The following MEIS3 variants were observed in gnomAD, a reference collection of about 807,000 sequenced individuals.
The protein encoded by MEIS3 is Meis homeobox 3.
MEIS3 carries 38 observed loss-of-function variants against 51.4 expected under a neutral mutation model. The ratio of observed to expected loss-of-function variants is 0.74; its 90% confidence interval spans 0.57 to 0.97. MEIS3 has a LOEUF of 0.97. Ranked by LOEUF, MEIS3 falls within the 50% of genes least tolerant of loss-of-function variation. The pLI is 0.00. For synonymous variants in MEIS3, 198 were observed against 201.8 expected, an observed-to-expected ratio of 0.98 and a Z score of 0.16; for missense variants, 456 against 502.6, an observed-to-expected ratio of 0.91 and a Z score of 0.89.
chr19:47,416,566 G>T lies in MEIS3; in HGVS notation c.396+86C>A, dbSNP rs541484229. On this transcript the variant is annotated intron_variant, in intron 4 of 12. Transcript: ENST00000558555. ...ACATGGACCAGGTGGCCTTCTCTCT[G>T]CACCCCCCCCACCAACCCCAGGGAT... 1.4e-4 allele frequency: 159 copies of T among 1,166,796 alleles called. No homozygotes were observed. In the African/African-American group the frequency reaches 2.2e-3, roughly 16 times the overall value. The allele number at this position is 1,166,796 out of a possible 1,614,324, so 72.3% of individuals were successfully genotyped here.
intron 2 of MEIS3, 46 bp downstream of exon 2, chr19:47,417,128 CAGAA>C (rs1971468197): frequency 1.3e-6 from 2 of 1,537,948 alleles, no homozygotes; most frequent in Non-Finnish European, 1.7e-6. Context: ...AGCAAAGAAG[CAGAA>C]AGACAGAGAG....
intron 6 of MEIS3, among the ~76,000 whole-genome samples, chr19:47,410,656 C>T (rs919620076): frequency 1.3e-5 from 2 of 151,880 alleles, no homozygotes; most frequent in Non-Finnish European, 2.9e-5. Context: ...GTCCCAGCTA[C>T]TCGGGAGGCT....
At position 47,414,833 on chromosome 19, in the gene MEIS3, A is replaced by G. The variant is rs370394843; in HGVS notation, c.481T>C (p.Tyr161His). ...HDLCDNFCHRYITCLKGKMPI... is the reference protein window; with the variant it reads ...HDLCDNFCHRHITCLKGKMPI... ...ATCTTTCCCTTGAGGCAGGTGATGTAGCGGTGACAGAAGTTGTCGCACAGG... is the reference window on the plus strand; with the variant it reads ...ATCTTTCCCTTGAGGCAGGTGATGTGGCGGTGACAGAAGTTGTCGCACAGG... Residue 161 changes from tyrosine to histidine, a missense_variant, in exon 6 of 13, where the codon TAC becomes CAC. Tyr to His is a moderately conservative substitution (Grantham distance 83). Coordinates refer to ENST00000558555, the MANE Select transcript of MEIS3 (RefSeq NM_001301059.2). 7.6e-6 allele frequency: 12 copies of G among 1,589,254 alleles called. No homozygotes were observed. The highest frequency in any genetic ancestry group is 1.0e-5 in the Non-Finnish European group (12 of 1,166,946).
At chr19:47,422,060 T>C (rs7245840), upstream of MEIS3, among the ~76,000 whole-genome samples, 30,287 of 151,008 alleles carry the variant, frequency 0.2, 6,431 homozygotes, top group African/African-American at 0.53. Context: ...CGCCCACCCC[T>C]GCGCCCGCCC....
intron 1 of MEIS3, 60 bp downstream of exon 1, chr19:47,419,010 G>A (rs1971599442): frequency 2.0e-5 from 22 of 1,119,446 alleles, no homozygotes; most frequent in Non-Finnish European, 2.5e-5. Flanking sequence ...GAGAGTGGGG[G>A]ATGCAGGGAC....
At chr19:47,412,648 G>A (rs1442980642) in intron 6 of MEIS3, among the ~76,000 whole-genome samples, 1 of 152,068 alleles carries the variant, frequency 6.6e-6, no homozygotes, top group Admixed American at 6.6e-5. Context: ...TGCAACCTTC[G>A]CCTCCCGGGT....
intron 6 of MEIS3, among the ~76,000 whole-genome samples, chr19:47,413,412 A>G (rs1170381984): frequency 6.6e-6 from 1 of 151,410 alleles, no homozygotes; most frequent in East Asian, 1.9e-4. Context: ...AAAAAAAAAA[A>G]TGTCTCCGGG....
rs779646781 is a variant in MEIS3, at chr19:47,416,699, G to C, written c.349C>G (p.Arg117Gly). ...EDIAAFAKQV[R>G]SERPLFSSNP... ...GAGGAGAAGAGGGGCCTCTCAGAGC[G>C]AACCTGGGAGGGAAGAGAGAGGCCG... Residue 117 changes from arginine (R) to glycine (G), a missense_variant, in exon 4 of 13, where the codon CGC (arginine) becomes GGC (glycine). Arg to Gly is a moderately radical substitution (Grantham distance 125, BLOSUM62 -2). Coordinates refer to ENST00000558555, the MANE Select transcript of MEIS3 (RefSeq NM_001301059.2). The C allele has an allele frequency of 1.1e-5, 17 of 1,582,120 alleles. No individual in the cohort carries two copies. In the East Asian group the frequency reaches 1.6e-4, roughly 15 times the overall value.
At chr19:47,420,720 C>T (rs1000980476), upstream of MEIS3, among the ~76,000 whole-genome samples, 1 of 149,336 alleles carries the variant, frequency 6.7e-6, no homozygotes, top group African/African-American at 2.5e-5. Flanking sequence ...AAGAAAGAGA[C>T]GAGCTGTTGG....
chr19:47,403,476 G>T lies in MEIS3; in HGVS notation c.*95C>A. The T allele has an allele frequency of 2.2e-6, 1 of 456,038 alleles. No individual in the cohort carries two copies. The highest frequency in any genetic ancestry group is 1.5e-5 in the South Asian group (1 of 64,534). 28.2% of individuals were successfully genotyped at this position (456,038 alleles called of 1,614,324 possible). On this transcript the variant is annotated 3_prime_UTR_variant, in exon 13 of 13. Coordinates refer to ENST00000558555, the MANE Select transcript of MEIS3 (RefSeq NM_001301059.2). Reference sequence around the variant, plus strand: ...GGCATTGAGCAGAGGGGCCTTTGGAGGTGGGGTCCTGAAGCTGGAGGACCA... The same window carrying T: ...GGCATTGAGCAGAGGGGCCTTTGGATGTGGGGTCCTGAAGCTGGAGGACCA...
At chr19:47,407,536 C>T (rs1970905974) in intron 8 of MEIS3, 108 bp from the exon 9 acceptor site, 3 of 1,591,762 alleles carry the variant, frequency 1.9e-6, no homozygotes, top group Non-Finnish European at 2.6e-6. Flanking sequence ...CCCAGGCAGA[C>T]GTCTGGGAGA....
Position 47,406,466 on chromosome 19 carries a change from T to A in MEIS3, c.*11A>T, listed in dbSNP as rs761501095. 6.2e-7 allele frequency: 1 copy of A among 1,613,240 alleles called. No homozygotes were observed. The highest frequency in any genetic ancestry group is 1.7e-5 in the Admixed American group (1 of 59,990). On this transcript the variant is annotated 3_prime_UTR_variant, in exon 12 of 13. Transcript: ENST00000558555. ...AGCCCTTAGACCCTCACACCTCTCC[T>A]GCATCAGCCTCTATAGATAATGCCA...
In MEIS3 at chr19:47,409,490, C is replaced by T. The variant is rs1398430707; in HGVS notation, c.655G>A (p.Gly219Ser). The T allele has an allele frequency of 6.2e-7, 1 of 1,614,150 alleles. No individual in the cohort carries two copies. ...DSGSVHLGTP[G>S]PSSGGLASQS... Reference sequence around the variant, plus strand: ...GAGGCCAGGCCCCCACTGGATGGACCTGGGGTCCCCAAATGTACAGACCCA... The same window carrying T: ...GAGGCCAGGCCCCCACTGGATGGACTTGGGGTCCCCAAATGTACAGACCCA... The change falls in exon 7 of 13, where the codon GGT becomes AGT. Residue 219 changes from glycine to serine, a missense_variant. Coordinates refer to ENST00000558555, the MANE Select transcript of MEIS3 (RefSeq NM_001301059.2).
intron 4 of MEIS3, chr19:47,416,257 T>C: frequency 1.2e-5 from 2 of 171,336 alleles, no homozygotes; most frequent in Non-Finnish European, 2.5e-5. Context: ...TTCTGACGGA[T>C]GGAACATCAG....
chr19:47,414,418 G>C (rs574475023), intron 6 of MEIS3, among the ~76,000 whole-genome samples: 2 of 152,148 alleles, frequency 1.3e-5, no homozygotes, highest in East Asian at 3.9e-4. Context: ...CTGTCTGGCT[G>C]TGAGCAGAAA....
intron 6 of MEIS3, among the ~76,000 whole-genome samples, chr19:47,414,264 T>C (rs1257227957): frequency 6.6e-6 from 1 of 152,160 alleles, no homozygotes; most frequent in African/African-American, 2.4e-5. Flanking sequence ...TTTGGCTCTA[T>C]GTCCATCTGT....
chr19:47,408,342 G>A lies in MEIS3; in HGVS notation c.858+757C>T, dbSNP rs147379879. ...TTGCTATGTTGCCCAGGCTGGTCTC[G>A]AACTCCTGGGCTCAAGTGATCCTCC... On this transcript the variant is annotated intron_variant, in intron 8 of 12. Transcript: ENST00000558555. Among the ~76,000 whole-genome samples the A allele has an allele frequency of 3.6e-3, 550 of 151,722 alleles. 1 individual carries two copies. Among genetic ancestry groups the A allele is most frequent in the Non-Finnish European group, 4.8e-3 (324 of 67,930 alleles).
chr19:47,417,050 G>A, intron 2 of MEIS3, 87 bp from the exon 3 acceptor site: 7 of 1,531,676 alleles, frequency 4.6e-6, no homozygotes. Flanking sequence ...CTGGGGAGGG[G>A]ACAAGAGACC....
chr19:47,407,097 C>G lies in MEIS3; in HGVS notation c.976G>C (p.Asp326His). ...CCTGTACCTGTGCGGTTGGATTGATCGATCATAGGTTGCACGATGCGTCTC... is the reference window on the plus strand; with the variant it reads ...CCTGTACCTGTGCGGTTGGATTGATGGATCATAGGTTGCACGATGCGTCTC... The part of the protein sequence containing the change: ...ARRRIVQPMI[D>H]QSNRTGQGAA... The change falls in exon 10 of 13, where the codon GAT (aspartate) becomes CAT (histidine). Residue 326 changes from aspartate to histidine, a missense_variant. Physicochemically the swap from Asp to His is moderately conservative, Grantham distance 81. Transcript: ENST00000558555. 5.0e-6 allele frequency: 8 copies of G among 1,611,542 alleles called. No individual in the cohort carries two copies. The highest frequency in any genetic ancestry group is 6.8e-6 in the Non-Finnish European group (8 of 1,179,182).
Sources: gnomAD v4.1 joint callset for allele counts (sites outside exome capture counted in the v4.1 genomes callset) on GRCh38, gnomAD v4.1.1 for gene constraint, MANE v1.5 for transcripts, NCBI Gene and HGNC (gene_info 2026-07-23, HGNC 2026-07-21) for gene names.